The following NLGN4X variants were observed in gnomAD, a reference collection of about 807,000 sequenced individuals.
The protein encoded by NLGN4X is neuroligin-4, X-linked.
NLGN4X carries 3 observed loss-of-function variants against 40.3 expected under a neutral mutation model. That is an observed-to-expected ratio of 0.07 (90% confidence interval 0.03 to 0.19). The LOEUF (loss-of-function observed/expected upper bound fraction) is 0.19, where lower values mean the gene tolerates loss of function less well. Ranked by LOEUF, NLGN4X falls within the 10% of genes least tolerant of loss-of-function variation. The pLI is 1.00. For synonymous variants in NLGN4X, 270 were observed against 306.8 expected (o/e 0.88, Z 1.25); for missense variants, 382 against 708.3 (o/e 0.54, Z 5.23).
chrX:6,024,095 G>T (rs1049732661), intron 3 of NLGN4X, among the ~76,000 whole-genome samples: 2 of 112,109 alleles, frequency 1.8e-5, no homozygotes, highest in African/African-American at 6.5e-5. Flanking sequence ...GGCCTTACAG[G>T]GATTCAGATT....
chrX:5,958,023 C>A (rs766840077), intron 3 of NLGN4X, among the ~76,000 whole-genome samples: 33 of 111,454 alleles, frequency 3.0e-4, no homozygotes, highest in African/African-American at 1.0e-3. Flanking sequence ...AATTTTTATG[C>A]ATTTAATATA....
chrX:5,915,716 G>A (rs1601878642), intron 3 of NLGN4X, among the ~76,000 whole-genome samples: 1 of 111,556 alleles, frequency 9.0e-6, no homozygotes, highest in African/African-American at 3.3e-5. Context: ...ATTTTTGTAT[G>A]TTTAGTAGAG....
intron 2 of NLGN4X, among the ~76,000 whole-genome samples, chrX:6,108,037 C>T (rs1190638055): frequency 8.9e-6 from 1 of 112,121 alleles, no homozygotes; most frequent in African/African-American, 3.2e-5. Flanking sequence ...AGTGCTGGTT[C>T]CTCATCCCTA....
intron 3 of NLGN4X, among the ~76,000 whole-genome samples, chrX:6,015,699 A>C (rs1041664352): frequency 3.6e-5 from 4 of 111,497 alleles, no homozygotes; most frequent in Non-Finnish European, 7.5e-5. Flanking sequence ...TCACAGACAC[A>C]TTGATGGCAC....
intron 1 of NLGN4X, among the ~76,000 whole-genome samples, chrX:6,214,467 G>A (rs1421864858): frequency 3.6e-5 from 4 of 111,807 alleles, no homozygotes; most frequent in Non-Finnish European, 5.6e-5. Flanking sequence ...CCGCAAAAGA[G>A]GGTCGTGGAG....
chrX:6,066,411 T>C (rs954275531), intron 2 of NLGN4X, among the ~76,000 whole-genome samples: 1 of 112,266 alleles, frequency 8.9e-6, no homozygotes, highest in African/African-American at 3.2e-5. Flanking sequence ...CTTCTGACTC[T>C]TGGATTTTCT....
At chrX:5,988,122 G>C (rs1375582512) in intron 3 of NLGN4X, among the ~76,000 whole-genome samples, 1 of 111,459 alleles carries the variant, frequency 9.0e-6, no homozygotes, top group Non-Finnish European at 1.9e-5. Flanking sequence ...CAATCTCCCA[G>C]CCCCTTCTGC....
intron 1 of NLGN4X, among the ~76,000 whole-genome samples, chrX:6,185,869 T>C (rs1921966739): frequency 9.0e-6 from 1 of 111,605 alleles, no homozygotes; most frequent in African/African-American, 3.3e-5. Flanking sequence ...ACGAACCAGC[T>C]GCAGCTTCTT....
intron 2 of NLGN4X, among the ~76,000 whole-genome samples, chrX:6,081,008 G>A (rs1435015296): frequency 9.1e-6 from 1 of 109,956 alleles, no homozygotes; most frequent in Non-Finnish European, 1.9e-5. Context: ...AATTATAGAG[G>A]CTGAGCGCAG....
chrX:5,949,863 C>T (rs1336621058), intron 3 of NLGN4X, among the ~76,000 whole-genome samples: 1 of 111,376 alleles, frequency 9.0e-6, no homozygotes, highest in African/African-American at 3.3e-5. Flanking sequence ...AACTTACAAC[C>T]AACAGCCTAC....
At chrX:6,150,066 A>C (rs2040133091) in intron 2 of NLGN4X, among the ~76,000 whole-genome samples, 1 of 111,403 alleles carries the variant, frequency 9.0e-6, no homozygotes, top group Non-Finnish European at 1.9e-5. Flanking sequence ...TCTACATTAG[A>C]TACATCTATC....
intron 2 of NLGN4X, among the ~76,000 whole-genome samples, chrX:6,146,121 G>GA (rs779983813): frequency 0.015 from 1,037 of 71,162 alleles, 12 homozygotes; most frequent in African/African-American, 0.045. Context: ...TTTCTAAAAG[G>GA]AAAAAAAAAA....
intron 3 of NLGN4X, among the ~76,000 whole-genome samples, chrX:5,983,686 C>A: frequency 8.9e-6 from 1 of 111,867 alleles, no homozygotes; most frequent in Non-Finnish European, 1.9e-5. Context: ...ACCTGTAATC[C>A]CAACTATTCA....
At position 5,903,639 on chromosome X, in the gene NLGN4X, C is replaced by T. The variant is rs769708144; in HGVS notation, c.1039G>A (p.Asp347Asn). The T allele has an allele frequency of 1.8e-4, 222 of 1,209,448 alleles. 1 individual carries two copies. Among genetic ancestry groups the T allele is most frequent in the Non-Finnish European group, 2.4e-4 (215 of 895,139 alleles). Residue 347 changes from aspartate (D) to asparagine (N), a missense_variant, in exon 5 of 6, where the codon GAC (aspartate) becomes AAC (asparagine). Physicochemically the swap from Asp to Asn is conservative, Grantham distance 23 (BLOSUM62 1). Transcript: ENST00000381095. ...HIAFGPVIDG[D>N]VIPDDPQILM... ...ATCTGGGGGTCGTCTGGGATGACGT[C>T]GCCGTCGATCACCGGCCCGAAGGCT...
At chrX:5,923,867 T>C (rs2033168950) in intron 3 of NLGN4X, among the ~76,000 whole-genome samples, 1 of 111,753 alleles carries the variant, frequency 8.9e-6, no homozygotes, top group Non-Finnish European at 1.9e-5. Flanking sequence ...GTGATGTCTG[T>C]ATTTAATGAC....
intron 3 of NLGN4X, among the ~76,000 whole-genome samples, chrX:5,995,592 C>A (rs1223928474): frequency 3.6e-5 from 4 of 112,017 alleles, no homozygotes; most frequent in Non-Finnish European, 5.6e-5. Flanking sequence ...GCTTAAGAAA[C>A]AGCTGACACA....
At chrX:6,107,353 T>C (rs777938700) in intron 2 of NLGN4X, among the ~76,000 whole-genome samples, 13 of 110,912 alleles carry the variant, frequency 1.2e-4, no homozygotes, top group Admixed American at 3.9e-4. Flanking sequence ...AAAACCTACT[T>C]AGCACTCCCC....
intron 1 of NLGN4X, among the ~76,000 whole-genome samples, chrX:6,186,546 A>C (rs1922029549): frequency 8.9e-6 from 1 of 112,281 alleles, no homozygotes; most frequent in African/African-American, 3.2e-5. Context: ...AAAGCAGCAT[A>C]AACTAGGGAG....
chrX:6,193,192 T>C (rs375212943), intron 1 of NLGN4X, among the ~76,000 whole-genome samples: 2,911 of 109,554 alleles, frequency 0.027, 118 homozygotes, highest in African/African-American at 0.091. Context: ...GAGGCCGAGG[T>C]GGGCGGATCA....
Sources: allele counts gnomAD v4.1 joint callset (sites outside exome capture counted in the v4.1 genomes callset), GRCh38; gene constraint gnomAD v4.1.1; transcripts MANE v1.5; gene names NCBI Gene and HGNC (gene_info 2026-07-23, HGNC 2026-07-21).